The following MCTP1 variants were observed in gnomAD, a reference collection of about 807,000 sequenced individuals.
The protein encoded by MCTP1 is multiple C2 and transmembrane domain-containing protein 1.
A neutral mutation model predicts 120.6 loss-of-function variants in MCTP1; 69 were observed. The ratio of observed to expected loss-of-function variants is 0.57; its 90% CI spans 0.47 to 0.70. MCTP1 has a LOEUF of 0.70. Ranked by LOEUF, MCTP1 falls within the 30% of genes least tolerant of loss-of-function variation. The probability of loss-of-function intolerance (pLI) is 0.00; values close to 1 mark genes in which losing one functional copy is unlikely to be tolerated. For synonymous variants in MCTP1, 529 were observed against 493.1 expected (o/e 1.07, Z -0.96); for missense variants, 1,203 against 1,248.8 (o/e 0.96, Z 0.55).
chr5:95,084,870 CCA>C (rs1280343093), intron 1 of MCTP1, among the ~76,000 whole-genome samples: 1 of 152,044 alleles, frequency 6.6e-6, no homozygotes, highest in Non-Finnish European at 1.5e-5. Flanking sequence ...CCTTAGATTT[CCA>C]CAGTTTCAAC....
At chr5:95,233,153 G>A (rs778751480) in intron 1 of MCTP1, among the ~76,000 whole-genome samples, 6 of 151,986 alleles carry the variant, frequency 3.9e-5, no homozygotes, top group South Asian at 2.1e-4. Flanking sequence ...TCAAGTGCAC[G>A]CACAATATTT....
intron 2 of MCTP1, chr5:94,979,271 A>G (rs1213063604): frequency 2.6e-5 from 4 of 152,034 alleles, no homozygotes; most frequent in African/African-American, 4.8e-5. Flanking sequence ...CATGATTTCT[A>G]CCATTGTATG....
intron 17 of MCTP1, among the ~76,000 whole-genome samples, chr5:94,811,417 C>G (rs540980613): frequency 6.6e-6 from 1 of 152,150 alleles, no homozygotes; most frequent in Non-Finnish European, 1.5e-5. Flanking sequence ...AGACAGCAAG[C>G]AAGCCGAACT....
At chr5:95,114,553 G>A (rs533958906) in intron 1 of MCTP1, among the ~76,000 whole-genome samples, 32 of 152,340 alleles carry the variant, frequency 2.1e-4, no homozygotes, top group African/African-American at 7.5e-4. Context: ...TGGCCACCGG[G>A]TGAGGCTCCT....
At chr5:95,058,448 C>CAGA (rs1403140431) in intron 1 of MCTP1, among the ~76,000 whole-genome samples, 2 of 152,212 alleles carry the variant, frequency 1.3e-5, no homozygotes, top group African/African-American at 4.8e-5. Context: ...AGTCCTGGGT[C>CAGA]TGTACCACAC....
intron 2 of MCTP1, among the ~76,000 whole-genome samples, chr5:94,980,637 C>T (rs1416104411): frequency 6.6e-6 from 1 of 152,020 alleles, no homozygotes; most frequent in African/African-American, 2.4e-5. Context: ...GTCCTTATTT[C>T]ATAGACACCC....
intron 19 of MCTP1, among the ~76,000 whole-genome samples, chr5:94,720,659 C>T (rs1404668434): frequency 6.6e-6 from 1 of 152,158 alleles, no homozygotes; most frequent in Admixed American, 6.5e-5. Context: ...TTATCTTCTT[C>T]ATACCTTCCT....
At chr5:95,142,405 G>A (rs1041725338) in intron 1 of MCTP1, among the ~76,000 whole-genome samples, 1 of 152,124 alleles carries the variant, frequency 6.6e-6, no homozygotes, top group African/African-American at 2.4e-5. Context: ...TCAAACATGA[G>A]ATTTCTATAT....
intron 1 of MCTP1, among the ~76,000 whole-genome samples, chr5:95,211,377 T>C (rs747989411): frequency 1.3e-5 from 2 of 152,206 alleles, no homozygotes; most frequent in Non-Finnish European, 2.9e-5. Flanking sequence ...TTCGTTTCTT[T>C]TTACTCTTTT....
chr5:94,909,317 C>A lies in MCTP1; in HGVS notation c.1586G>T (p.Arg529Ile), dbSNP rs1807816989. The A allele has an allele frequency of 1.2e-6, 2 of 1,608,912 alleles. No homozygotes were observed. The highest frequency in any genetic ancestry group is 3.4e-5 in the Admixed American group (2 of 59,176). Reference protein sequence around the residue: ...EQFDFHLYEERGGVIDITAWD... With the variant: ...EQFDFHLYEEIGGVIDITAWD... Reference sequence around the variant, plus strand: ...TGCAGTGATATCAATGACTCCTCCTCTTTCTTCATAAAGGTGAAAATCAAA... The same window carrying A: ...TGCAGTGATATCAATGACTCCTCCTATTTCTTCATAAAGGTGAAAATCAAA... Residue 529 changes from arginine to isoleucine, a missense_variant, in exon 10 of 23, where the codon AGA becomes ATA. Transcript: ENST00000515393.
intron 1 of MCTP1, among the ~76,000 whole-genome samples, chr5:95,184,165 T>A (rs10066212): frequency 0.22 from 32,914 of 151,600 alleles, 3,616 homozygotes; most frequent in Non-Finnish European, 0.23. Flanking sequence ...ATAATAATAA[T>A]AAAAAAAGGA....
At chr5:95,240,497 C>T (rs1009593231) in intron 1 of MCTP1, among the ~76,000 whole-genome samples, 1 of 152,216 alleles carries the variant, frequency 6.6e-6, no homozygotes, top group Non-Finnish European at 1.5e-5. Context: ...CAAGGCTGAA[C>T]TTCAATCCAT....
At chr5:95,265,305 G>A (rs1758795520) in intron 1 of MCTP1, among the ~76,000 whole-genome samples, 1 of 152,110 alleles carries the variant, frequency 6.6e-6, no homozygotes, top group African/African-American at 2.4e-5. Flanking sequence ...ATAGGCTGCT[G>A]CCCCAAGCAG....
chr5:94,867,389 G>A, intron 17 of MCTP1: 1 of 1,465,470 alleles, frequency 6.8e-7, no homozygotes, highest in East Asian at 2.5e-5. Flanking sequence ...AGGCCTGAGA[G>A]GAAGACAGAG....
chr5:94,882,035 T>C (rs939097856), intron 12 of MCTP1, among the ~76,000 whole-genome samples: 1 of 152,176 alleles, frequency 6.6e-6, no homozygotes, highest in Non-Finnish European at 1.5e-5. Flanking sequence ...TCAACTCAAA[T>C]CCTAAAGTCT....
chr5:95,065,599 C>G (rs1350952775), intron 1 of MCTP1, among the ~76,000 whole-genome samples: 1 of 152,098 alleles, frequency 6.6e-6, no homozygotes, highest in East Asian at 1.9e-4. Flanking sequence ...CAGGGATAGA[C>G]GAGAACTCTC....
At position 95,100,466 on chromosome 5, in the gene MCTP1, A is replaced by G. The variant is rs571900455; in HGVS notation, c.721-82982T>C. Among the ~76,000 whole-genome samples the G allele has an allele frequency of 2.3e-3, 349 of 152,324 alleles. 4 individuals are homozygous for G. The highest frequency in any genetic ancestry group is 8.1e-3 in the African/African-American group (338 of 41,566). On this transcript the variant is annotated intron_variant, in intron 1 of 22. Transcript: ENST00000515393. Reference sequence around the variant, plus strand: ...TCTTCTTATAGCTGCATTATTTTTAAAAATCTCAAAAATCAATAAAAAAAT... The same window carrying G: ...TCTTCTTATAGCTGCATTATTTTTAGAAATCTCAAAAATCAATAAAAAAAT...
In MCTP1 at chr5:94,724,412, A is replaced by AT. The variant is rs34497014; in HGVS notation, c.2611-9527dup. On this transcript the variant is annotated intron_variant, in intron 19 of 22. Transcript: ENST00000515393. The stretch of plus-strand genomic sequence containing the variant: ...AGGTGTGCACCACCACGTCTGGCTA[A>AT]TTTTTTTTTTTTTTTTTTTGGTAGA... 7.9e-3 allele frequency among the ~76,000 whole-genome samples: 1,095 copies of AT among 138,500 alleles called. 10 individuals carry two copies. The highest frequency in any genetic ancestry group is 0.013 in the Non-Finnish European group (840 of 64,276). The allele number at this position is 138,500 out of a possible 152,430, so 90.9% of individuals were successfully genotyped here. A position where few individuals can be genotyped will look rare whatever the true frequency, so the allele number is the denominator to read the frequency against.
intron 1 of MCTP1, among the ~76,000 whole-genome samples, chr5:95,207,059 T>G (rs1311037520): frequency 6.6e-6 from 1 of 152,170 alleles, no homozygotes; most frequent in Non-Finnish European, 1.5e-5. Flanking sequence ...TGTTGTTGTT[T>G]TTACTAATCC....
Sources: gnomAD v4.1 joint callset for allele counts (sites outside exome capture counted in the v4.1 genomes callset) on GRCh38, gnomAD v4.1.1 for gene constraint, MANE v1.5 for transcripts, NCBI Gene and HGNC (gene_info 2026-07-23, HGNC 2026-07-21) for gene names.